The following CLEC16A variants were observed in gnomAD, a reference collection of about 807,000 sequenced individuals.
CLEC16A encodes the protein C-type lectin domain containing 16A.
CLEC16A carries 51 observed loss-of-function variants against 109.5 expected under a neutral mutation model. That is an observed-to-expected ratio of 0.47 (90% confidence interval 0.37 to 0.59). The LOEUF (loss-of-function observed/expected upper bound fraction) is 0.59. Among genes scored for constraint, CLEC16A ranks in the 20% least tolerant of loss-of-function variants. CLEC16A has a pLI of 0.00. For synonymous variants in CLEC16A, 673 were observed against 564.2 expected (o/e 1.19, Z -2.73); for missense variants, 1,339 against 1,394.0 (o/e 0.96, Z 0.63).
At chr16:11,140,355 C>T (rs910565524) in intron 22 of CLEC16A, among the ~76,000 whole-genome samples, 2 of 152,198 alleles carry the variant, frequency 1.3e-5, no homozygotes, top group African/African-American at 2.4e-5. Flanking sequence ...CCCCCACCAC[C>T]GCTCTTAGTA....
intron 22 of CLEC16A, among the ~76,000 whole-genome samples, chr16:11,129,521 A>T (rs2053049848): frequency 6.6e-6 from 1 of 152,228 alleles, no homozygotes; most frequent in South Asian, 2.1e-4. Context: ...ACATAAAAGA[A>T]AAATGTCTTA....
intron 22 of CLEC16A, among the ~76,000 whole-genome samples, chr16:11,127,342 T>G (rs1476731565): frequency 1.3e-5 from 2 of 152,230 alleles, no homozygotes; most frequent in Non-Finnish European, 2.9e-5. Context: ...TTTTGCTGTT[T>G]CGTATTTGGG....
intron 10 of CLEC16A, among the ~76,000 whole-genome samples, chr16:10,986,288 C>A (rs1406095311): frequency 6.6e-6 from 1 of 151,986 alleles, no homozygotes; most frequent in Non-Finnish European, 1.5e-5. Flanking sequence ...CCTCAGCCTC[C>A]CAAAGTGCTG....
At chr16:11,088,367 T>C (rs1356580122) in intron 19 of CLEC16A, among the ~76,000 whole-genome samples, 1 of 152,222 alleles carries the variant, frequency 6.6e-6, no homozygotes, top group Non-Finnish European at 1.5e-5. Context: ...CACCAGGGTA[T>C]CTGAAATGTT....
At chr16:10,963,269 T>C (rs2042342034) in intron 3 of CLEC16A, among the ~76,000 whole-genome samples, 1 of 152,192 alleles carries the variant, frequency 6.6e-6, no homozygotes, top group East Asian at 1.9e-4. Context: ...CCCACCCTTA[T>C]GACCTCATTA....
chr16:10,997,212 T>C (rs2044382187), intron 10 of CLEC16A, among the ~76,000 whole-genome samples: 1 of 152,230 alleles, frequency 6.6e-6, no homozygotes, highest in South Asian at 2.1e-4. Context: ...TCCTCCTGCC[T>C]TAGCCTCCCC....
At chr16:11,053,615 C>G (rs2048060617) in intron 18 of CLEC16A, among the ~76,000 whole-genome samples, 1 of 152,162 alleles carries the variant, frequency 6.6e-6, no homozygotes, top group African/African-American at 2.4e-5. Context: ...AAGCGATCCG[C>G]CCACCTCGGC....
chr16:10,972,804 A>G, intron 6 of CLEC16A, 134 bp from the exon 7 acceptor site: 1 of 965,352 alleles, frequency 1.0e-6, no homozygotes, highest in Non-Finnish European at 1.5e-6. Flanking sequence ...CAGGAAAGAC[A>G]GACAATTTCA....
rs539245657 is a variant in CLEC16A, at chr16:11,060,830, C to T, written c.1996-72C>T. 1.1e-4 allele frequency: 153 copies of T among 1,396,678 alleles called. 1 individual carries two copies. In the South Asian group the frequency reaches 1.7e-3, roughly 15 times the overall value. 86.5% of individuals were successfully genotyped at this position (1,396,678 alleles called of 1,614,324 possible). On this transcript the variant is annotated intron_variant, in intron 18 of 23. Coordinates refer to ENST00000409790, the MANE Select transcript of CLEC16A (RefSeq NM_015226.3). ...TTAATAGAGAGTCATGGTGTCATTT[C>T]TGGGTGTGGGGCATCTCACTGAAAT...
intron 19 of CLEC16A, among the ~76,000 whole-genome samples, chr16:11,067,433 G>A (rs544533077): frequency 7.9e-5 from 12 of 152,116 alleles, no homozygotes; most frequent in Admixed American, 2.0e-4. Flanking sequence ...TGTGGGTGCC[G>A]AGAAGTGGCG....
chr16:10,948,030 A>G (rs537757835), intron 1 of CLEC16A, among the ~76,000 whole-genome samples: 33 of 152,124 alleles, frequency 2.2e-4, no homozygotes, highest in African/African-American at 7.7e-4. Flanking sequence ...AGTAGCTGGG[A>G]CTACAGGCGC....
chr16:11,090,208 G>A (rs964752584), intron 19 of CLEC16A, among the ~76,000 whole-genome samples: 4 of 152,118 alleles, frequency 2.6e-5, no homozygotes, highest in Non-Finnish European at 5.9e-5. Context: ...TCATGGGAGT[G>A]AGCTGTCAGA....
intron 22 of CLEC16A, among the ~76,000 whole-genome samples, chr16:11,147,356 G>A (rs2054107795): frequency 6.6e-6 from 1 of 152,148 alleles, no homozygotes; most frequent in South Asian, 2.1e-4. Flanking sequence ...ATTTGACCTG[G>A]GATATTTTCC....
rs74556887 is a variant in CLEC16A, at chr16:11,173,631, C to T, written c.2807-4704C>T. Among the ~76,000 whole-genome samples, 1,206 of 152,222 alleles carry T rather than the reference C, an allele frequency of 7.9e-3. 14 individuals are homozygous for T. Among genetic ancestry groups the T allele is most frequent in the African/African-American group, 0.027 (1,125 of 41,508 alleles). ...CTGTGCTGTTGGCGTCAGCGTGTGA[C>T]ACCAAGAACCTCCTCACTTGGGGTC... On this transcript the variant is annotated intron_variant, in intron 23 of 23. Transcript: ENST00000409790.
intron 19 of CLEC16A, among the ~76,000 whole-genome samples, chr16:11,090,904 A>C (rs1171578555): frequency 1.4e-5 from 2 of 146,788 alleles, no homozygotes; most frequent in Non-Finnish European, 3.0e-5. Context: ...TCCTGACCTC[A>C]AGTAATCCAC....
intron 23 of CLEC16A, among the ~76,000 whole-genome samples, chr16:11,167,152 G>A (rs562512839): frequency 1.6e-4 from 25 of 152,266 alleles, no homozygotes; most frequent in African/African-American, 5.1e-4. Flanking sequence ...CCAGCTCCTC[G>A]TTCTCGGCTG....
chr16:11,175,479 C>A (rs1184541484), intron 23 of CLEC16A, among the ~76,000 whole-genome samples: 1 of 152,198 alleles, frequency 6.6e-6, no homozygotes, highest in African/African-American at 2.4e-5. Context: ...TGCAGCTCAG[C>A]ACTTGACTAG....
intron 19 of CLEC16A, among the ~76,000 whole-genome samples, chr16:11,092,250 G>T (rs995128648): frequency 6.6e-6 from 1 of 152,084 alleles, no homozygotes; most frequent in Non-Finnish European, 1.5e-5. Flanking sequence ...AAGCTGAGGT[G>T]GGAGGATCGC....
chr16:11,008,382 T>C (rs1220317550), intron 11 of CLEC16A, among the ~76,000 whole-genome samples: 1 of 152,190 alleles, frequency 6.6e-6, no homozygotes, highest in African/African-American at 2.4e-5. Context: ...CAGATTCGAA[T>C]GGACATCAGC....
Sources: gnomAD v4.1 joint callset for allele counts (sites outside exome capture counted in the v4.1 genomes callset) on GRCh38, gnomAD v4.1.1 for gene constraint, MANE v1.5 for transcripts, NCBI Gene and HGNC (gene_info 2026-07-23, HGNC 2026-07-21) for gene names.